ARID2: variants seen among roughly 807,000 people sequenced by gnomAD.
ARID2 encodes the protein AT-rich interaction domain 2.
Under a neutral mutation model 184.6 loss-of-function variants are expected in ARID2, and 32 were observed. The observed-to-expected ratio is 0.17, with a 90% confidence interval of 0.13 to 0.23. ARID2 has a LOEUF of 0.23. Ranked by LOEUF, ARID2 falls within the 10% of genes least tolerant of loss-of-function variation. The probability of loss-of-function intolerance (pLI) is 1.00; values close to 1 mark genes in which losing one functional copy is unlikely to be tolerated. For synonymous variants in ARID2, 836 were observed against 772.6 expected (o/e 1.08, Z -1.36); for missense variants, 1,696 against 2,197.6 (o/e 0.77, Z 4.56).
At chr12:45,766,931 G>A (rs1373951913) in intron 3 of ARID2, among the ~76,000 whole-genome samples, 1 of 150,900 alleles carries the variant, frequency 6.6e-6, no homozygotes, top group African/African-American at 2.5e-5. Flanking sequence ...TCGCGCCATT[G>A]CACTCCAGCC....
At chr12:45,864,012 C>T (rs748307942) in intron 16 of ARID2, among the ~76,000 whole-genome samples, 1 of 151,898 alleles carries the variant, frequency 6.6e-6, no homozygotes, top group Non-Finnish European at 1.5e-5. Flanking sequence ...CATGCCGCCA[C>T]ACCAAGCTAA....
chr12:45,853,410 A>G (rs976691108), intron 15 of ARID2, among the ~76,000 whole-genome samples: 5 of 152,170 alleles, frequency 3.3e-5, no homozygotes, highest in Non-Finnish European at 7.4e-5. Flanking sequence ...AAAAAGTATT[A>G]TTTATTGTAA....
At chr12:45,801,109 G>A (rs977059338) in intron 3 of ARID2, among the ~76,000 whole-genome samples, 1 of 152,054 alleles carries the variant, frequency 6.6e-6, no homozygotes, top group Non-Finnish European at 1.5e-5. Context: ...TCAGGAGATC[G>A]AGACCATCCT....
In ARID2 at chr12:45,849,630, A is replaced by G. The variant is rs2138156739; in HGVS notation, c.1766A>G (p.Asn589Ser). The change falls in exon 14 of 21, where the codon AAT becomes AGT. Residue 589 changes from asparagine to serine, a missense_variant. Physicochemically the swap from Asn to Ser is conservative, Grantham distance 46 (BLOSUM62 1). Coordinates refer to ENST00000334344, the MANE Select transcript of ARID2 (RefSeq NM_152641.4). ...TVKRVEDSSSNGQAHIHVVGV... is the reference protein window; with the variant it reads ...TVKRVEDSSSSGQAHIHVVGV... ...AAGAGAGTGGAGGATTCCAGTAGCAATGGGCAGGCACATATTCATGTGGTA... is the reference window on the plus strand; with the variant it reads ...AAGAGAGTGGAGGATTCCAGTAGCAGTGGGCAGGCACATATTCATGTGGTA... 1.2e-6 allele frequency: 2 copies of G among 1,613,656 alleles called. No individual in the cohort carries two copies. The highest frequency in any genetic ancestry group is 8.5e-7 in the Non-Finnish European group (1 of 1,179,676).
intron 3 of ARID2, among the ~76,000 whole-genome samples, chr12:45,802,447 A>T (rs994160240): frequency 6.6e-6 from 1 of 152,120 alleles, no homozygotes; most frequent in Non-Finnish European, 1.5e-5. Flanking sequence ...TTTAAAAAAC[A>T]CCCTTTAAAA....
rs749134453 is a variant in ARID2, at chr12:45,851,831, A to T, written c.3708A>T (p.Pro1236=). ...CATCATGTACTACTGCTACTCCCCC[A>T]TTCAAAGGTGATAAAATAATTTGCC... ...GQSSCTTATP[P]FKGDKIICQK... The change falls in exon 15 of 21, where the codon CCA becomes CCT. Residue 1236 remains proline, a synonymous_variant. Transcript: ENST00000334344. The T allele has an allele frequency of 6.2e-7, 1 of 1,614,168 alleles. No homozygotes were observed. Among genetic ancestry groups the T allele is most frequent in the African/African-American group, 1.3e-5 (1 of 75,058 alleles).
At position 45,770,252 on chromosome 12, in the gene ARID2, C is replaced by CA. The variant is rs1241114832; in HGVS notation, c.284+38949dup. ...TGGGCGACAGAGCGAGACTCCATCTCAAAAAAAAAAACAAAAAACAAGAAG... is the reference window on the plus strand; with the variant it reads ...TGGGCGACAGAGCGAGACTCCATCTCAAAAAAAAAAAACAAAAAACAAGAAG... On this transcript the variant is annotated intron_variant, in intron 3 of 20. Coordinates refer to ENST00000334344, the MANE Select transcript of ARID2 (RefSeq NM_152641.4). Among the ~76,000 whole-genome samples, 567 of 135,684 alleles carry CA rather than the reference C, an allele frequency of 4.2e-3. 2 individuals carry two copies. The highest frequency in any genetic ancestry group is 0.012 in the Middle Eastern group (3 of 260). The allele number at this position is 135,684 out of a possible 152,430, so 89.0% of individuals were successfully genotyped here.
chr12:45,799,038 G>A (rs1942444988), intron 3 of ARID2, among the ~76,000 whole-genome samples: 1 of 151,836 alleles, frequency 6.6e-6, no homozygotes, highest in Non-Finnish European at 1.5e-5. Context: ...TTTTAATAAA[G>A]TGAAATAAAT....
chr12:45,844,791 C>G (rs902821742), intron 11 of ARID2, among the ~76,000 whole-genome samples: 1 of 152,178 alleles, frequency 6.6e-6, no homozygotes, highest in East Asian at 1.9e-4. Flanking sequence ...CATAGTTACA[C>G]AGCTAGCTAG....
intron 16 of ARID2, among the ~76,000 whole-genome samples, chr12:45,876,867 A>G (rs572662916): frequency 6.6e-6 from 1 of 151,880 alleles, no homozygotes; most frequent in African/African-American, 2.4e-5. Context: ...AGGTGGGCGG[A>G]TCACAAGTTC....
intron 3 of ARID2, among the ~76,000 whole-genome samples, chr12:45,758,998 GAC>G (rs1342918364): frequency 2.0e-5 from 3 of 151,844 alleles, no homozygotes; most frequent in African/African-American, 4.8e-5. Context: ...TGTGATAAAA[GAC>G]ACGCACACAC....
chr12:45,788,955 A>G (rs1942244160), intron 3 of ARID2, among the ~76,000 whole-genome samples: 1 of 152,222 alleles, frequency 6.6e-6, no homozygotes, highest in Admixed American at 6.5e-5. Flanking sequence ...ATGCACGTCA[A>G]AATAGAATCT....
chr12:45,825,480 T>C lies in ARID2; in HGVS notation c.705+3993T>C, dbSNP rs559248406. Among the ~76,000 whole-genome samples the C allele has an allele frequency of 3.9e-5, 6 of 152,338 alleles. No individual in the cohort carries two copies. The South Asian group carries it at 1.2e-3, about 32-fold the overall frequency. ...TAGATTTTTCTAGTGGCATTTTAGC[T>C]TTTCTTTATTGCTAGTCTTTAGGTT... On this transcript the variant is annotated intron_variant, in intron 6 of 20. Coordinates refer to ENST00000334344, the MANE Select transcript of ARID2 (RefSeq NM_152641.4).
intron 3 of ARID2, among the ~76,000 whole-genome samples, chr12:45,779,713 A>G (rs530377362): frequency 9.9e-5 from 15 of 152,234 alleles, no homozygotes; most frequent in African/African-American, 3.4e-4. Context: ...GTTTTGCCAA[A>G]TCAAAACTTG....
At chr12:45,895,741 G>T (rs1944360807) in intron 20 of ARID2, among the ~76,000 whole-genome samples, 1 of 152,108 alleles carries the variant, frequency 6.6e-6, no homozygotes, top group East Asian at 1.9e-4. Flanking sequence ...CACCATGTTG[G>T]CCAGTTTGGT....
intron 3 of ARID2, chr12:45,789,285 G>A (rs971144942): frequency 2.0e-5 from 3 of 152,190 alleles, no homozygotes; most frequent in African/African-American, 7.2e-5. Context: ...AGACTGTGGT[G>A]CATTTTGGAT....
chr12:45,812,299 G>C (rs897686000), intron 4 of ARID2, among the ~76,000 whole-genome samples: 2 of 150,730 alleles, frequency 1.3e-5, no homozygotes, highest in African/African-American at 4.9e-5. Flanking sequence ...TTATTTACTG[G>C]TACTAGTTCT....
chr12:45,846,778 C>A, intron 11 of ARID2, 78 bp from the exon 12 acceptor site: 1 of 1,337,604 alleles, frequency 7.5e-7, no homozygotes, highest in Non-Finnish European at 1.1e-6. Context: ...TTAATGGGTT[C>A]AATATCCATA....
At chr12:45,819,884 C>T (rs751374295) in intron 5 of ARID2, among the ~76,000 whole-genome samples, 18 of 151,834 alleles carry the variant, frequency 1.2e-4, no homozygotes, top group East Asian at 1.9e-4. Context: ...GCTAGGACTA[C>T]GAGTGAGCAC....
Sources: gnomAD v4.1 joint callset for allele counts (sites outside exome capture counted in the v4.1 genomes callset) on GRCh38, gnomAD v4.1.1 for gene constraint, MANE v1.5 for transcripts, NCBI Gene and HGNC (gene_info 2026-07-23, HGNC 2026-07-21) for gene names.